TP53BP2: variants seen among roughly 807,000 people sequenced by gnomAD.
The protein encoded by TP53BP2 is apoptosis-stimulating of p53 protein 2.
A neutral mutation model predicts 126.2 loss-of-function variants in TP53BP2; 62 were observed. The observed-to-expected ratio is 0.49, with a 90% CI of 0.40 to 0.61. The LOEUF is 0.61. Among genes scored for constraint, TP53BP2 ranks in the 20% least tolerant of loss-of-function variants. The pLI, the probability that TP53BP2 is intolerant of heterozygous loss-of-function variation, is 0.00. For missense variants in TP53BP2, 1,215 were observed against 1,402.8 expected (o/e 0.87, Z 2.14); for synonymous variants, 485 against 502.9 (o/e 0.96, Z 0.48).
rs1330453854 is a variant in TP53BP2, at chr1:223,798,483, C to T, written c.1680G>A (p.Leu560=). 4 of 1,614,030 alleles carry T rather than the reference C, an allele frequency of 2.5e-6. No homozygotes were observed. Among genetic ancestry groups the T allele is most frequent in the Non-Finnish European group, 3.4e-6 (4 of 1,180,018 alleles). The part of the protein sequence containing the change: ...PKPAGQQPRV[L]LSPSIPSVGQ... ...CAACCGAAGGTATGCTGGGAGATAGCAGCACTCTCGGCTGCTGCCCTGCTG... is the reference window on the plus strand; with the variant it reads ...CAACCGAAGGTATGCTGGGAGATAGTAGCACTCTCGGCTGCTGCCCTGCTG... Residue 560 remains leucine (L), a synonymous_variant, in exon 12 of 18, where the codon CTG becomes CTA. Coordinates refer to ENST00000343537, the MANE Select transcript of TP53BP2 (RefSeq NM_001031685.3).
intron 15 of TP53BP2, among the ~76,000 whole-genome samples, 188 bp from the exon 16 acceptor site, chr1:223,789,362 T>C (rs1398618896): frequency 6.6e-6 from 1 of 152,150 alleles, no homozygotes; most frequent in East Asian, 1.9e-4. Flanking sequence ...CAGCCACAAA[T>C]GAAAATTTCA....
At chr1:223,794,156 T>TAA (rs922018421) in intron 13 of TP53BP2, among the ~76,000 whole-genome samples, 1 of 145,144 alleles carries the variant, frequency 6.9e-6, no homozygotes, top group African/African-American at 2.5e-5. Context: ...GAATCGGACT[T>TAA]AAAAAAAAAA....
At chr1:223,824,912 G>A (rs1004825590) in intron 1 of TP53BP2, among the ~76,000 whole-genome samples, 1 of 151,670 alleles carries the variant, frequency 6.6e-6, no homozygotes, top group South Asian at 2.1e-4. Context: ...TTTGGAATGC[G>A]CTTCTTTGTA....
In TP53BP2 at chr1:223,807,001, A is replaced by C. The variant is rs1246601236; in HGVS notation, c.373-54T>G. On this transcript the variant is annotated intron_variant, in intron 4 of 17. Coordinates refer to ENST00000343537, the MANE Select transcript of TP53BP2 (RefSeq NM_001031685.3). The stretch of plus-strand genomic sequence containing the variant: ...TCCCAGCTTACTATAAAACTACCAC[A>C]GAGATTCCGCCCTCAAAGGTCTATG... 5 of 1,365,240 alleles carry C rather than the reference A, an allele frequency of 3.7e-6. No homozygotes were observed. In the African/African-American group the frequency reaches 7.2e-5, roughly 20 times the overall value. The allele number at this position is 1,365,240 out of a possible 1,614,324, so 84.6% of individuals were successfully genotyped here. A position where few individuals can be genotyped will look rare whatever the true frequency, so the allele number is the denominator to read the frequency against.
chr1:223,802,411 G>A (rs1470214373), intron 8 of TP53BP2, 67 bp from the exon 9 acceptor site: 1 of 1,441,844 alleles, frequency 6.9e-7, no homozygotes, highest in Non-Finnish European at 9.5e-7. Context: ...TAGAAACTAA[G>A]ATGTGACATT....
At chr1:223,793,210 G>A in intron 14 of TP53BP2, 93 bp downstream of exon 14, 1 of 956,394 alleles carries the variant, frequency 1.0e-6, no homozygotes. Context: ...AAAATACAAG[G>A]TCATATTTTA....
chr1:223,786,137 AGCAG>A (rs1366692446), intron 16 of TP53BP2, among the ~76,000 whole-genome samples: 1 of 152,260 alleles, frequency 6.6e-6, no homozygotes, highest in Non-Finnish European at 1.5e-5. Flanking sequence ...GAATGAGAAA[AGCAG>A]GCCACAGAAT....
intron 11 of TP53BP2, among the ~76,000 whole-genome samples, chr1:223,799,141 T>C (rs1457579781): frequency 6.6e-6 from 1 of 152,176 alleles, no homozygotes; most frequent in African/African-American, 2.4e-5. Context: ...TATGTACTTA[T>C]TTATTTTTAT....
At chr1:223,794,269 C>T (rs1295738229) in intron 13 of TP53BP2, among the ~76,000 whole-genome samples, 2 of 152,162 alleles carry the variant, frequency 1.3e-5, no homozygotes, top group African/African-American at 4.8e-5. Flanking sequence ...GATATATGTA[C>T]TCCACATAAT....
chr1:223,827,328 A>C (rs995327170), intron 1 of TP53BP2, among the ~76,000 whole-genome samples: 3 of 152,210 alleles, frequency 2.0e-5, no homozygotes, highest in Admixed American at 6.5e-5. Flanking sequence ...AAAAAAAGGA[A>C]GAAGTCCAGA....
Position 223,827,062 on chromosome 1 carries a change from C to CT in TP53BP2, c.28-5696dup, listed in dbSNP as rs557268970. Among the ~76,000 whole-genome samples the CT allele has an allele frequency of 1.6e-4, 24 of 152,150 alleles. No homozygotes were observed. In the South Asian group the frequency reaches 3.9e-3, roughly 25 times the overall value. Reference sequence around the variant, plus strand: ...GGGAAGGGCCCACAGAATGAGGCCTCTATGTTAAATATGAGACACCTATGG... The same window carrying CT: ...GGGAAGGGCCCACAGAATGAGGCCTCTTATGTTAAATATGAGACACCTATGG... On this transcript the variant is annotated intron_variant, in intron 1 of 17. Transcript: ENST00000343537.
intron 1 of TP53BP2, among the ~76,000 whole-genome samples, chr1:223,822,184 G>A (rs761068981): frequency 1.3e-5 from 2 of 152,038 alleles, no homozygotes; most frequent in Non-Finnish European, 2.9e-5. Context: ...AAAGTGCTGG[G>A]ATTACAGGCG....
At chr1:223,821,415 T>C (rs1009132081) in intron 1 of TP53BP2, 48 bp from the exon 2 acceptor site, 4 of 1,610,606 alleles carry the variant, frequency 2.5e-6, no homozygotes, top group Non-Finnish European at 1.7e-6. Context: ...GTCTGCCTAA[T>C]GTGGTATTCA....
chr1:223,785,972 G>A (rs1661938913), intron 16 of TP53BP2, among the ~76,000 whole-genome samples: 1 of 152,086 alleles, frequency 6.6e-6, no homozygotes, highest in Non-Finnish European at 1.5e-5. Context: ...AATGTTCACA[G>A]GGATGTTTAC....
intron 2 of TP53BP2, among the ~76,000 whole-genome samples, chr1:223,816,787 T>C (rs1342281986): frequency 1.3e-5 from 2 of 151,918 alleles, no homozygotes; most frequent in Non-Finnish European, 2.9e-5. Context: ...TGGTTCATGA[T>C]AGTAACCTTT....
chr1:223,822,883 C>A (rs59793743), intron 1 of TP53BP2, among the ~76,000 whole-genome samples: 5,881 of 152,032 alleles, frequency 0.039, 371 homozygotes, highest in African/African-American at 0.13. Context: ...TATGTTTATT[C>A]AATTCAATGA....
chr1:223,835,490 G>A (rs955054374), intron 1 of TP53BP2, among the ~76,000 whole-genome samples: 8 of 152,112 alleles, frequency 5.3e-5, no homozygotes, highest in African/African-American at 1.9e-4. Context: ...CCAGGCATTC[G>A]TCTTATTTTA....
At chr1:223,817,808 T>C (rs1368214719) in intron 2 of TP53BP2, among the ~76,000 whole-genome samples, 2 of 151,446 alleles carry the variant, frequency 1.3e-5, no homozygotes, top group Non-Finnish European at 2.9e-5. Flanking sequence ...CGCCTGTAGT[T>C]CCAGCTACTC....
At chr1:223,791,821 T>C (rs568357859) in intron 15 of TP53BP2, among the ~76,000 whole-genome samples, 18 of 152,304 alleles carry the variant, frequency 1.2e-4, no homozygotes, top group Admixed American at 3.9e-4. Flanking sequence ...TTCTGTTAGT[T>C]TTGGGGATGA....
Sources: allele counts gnomAD v4.1 joint callset (sites outside exome capture counted in the v4.1 genomes callset), GRCh38; gene constraint gnomAD v4.1.1; transcripts MANE v1.5; gene names NCBI Gene and HGNC (gene_info 2026-07-23, HGNC 2026-07-21).